DISC1: variants seen among roughly 807,000 people sequenced by gnomAD.
The protein encoded by DISC1 is disrupted in schizophrenia 1 protein.
Under a neutral mutation model 84.5 loss-of-function variants are expected in DISC1, and 57 were observed. That is an observed-to-expected ratio of 0.67 (90% CI 0.55 to 0.84). DISC1 has a LOEUF of 0.84. Among genes scored for constraint, DISC1 ranks in the 40% least tolerant of loss-of-function variants. The pLI, the probability that DISC1 is intolerant of heterozygous loss-of-function variation, is 0.00. For synonymous variants in DISC1, 411 were observed against 415.2 expected (o/e 0.99, Z 0.12); for missense variants, 1,000 against 1,057.8 (o/e 0.95, Z 0.76).
At chr1:231,636,840 G>C (rs1322506925) in intron 1 of DISC1, among the ~76,000 whole-genome samples, 2 of 152,102 alleles carry the variant, frequency 1.3e-5, no homozygotes, top group African/African-American at 4.8e-5. Flanking sequence ...AGAACATGCA[G>C]GTTTGTTACA....
chr1:231,709,437 AC>A (rs1372083368), intron 3 of DISC1, among the ~76,000 whole-genome samples: 1 of 150,942 alleles, frequency 6.6e-6, no homozygotes, highest in Non-Finnish European at 1.5e-5. Flanking sequence ...ATTTCTTGGA[AC>A]CCCTGCAGCT....
In DISC1 at chr1:231,744,684, T is replaced by A. The variant is rs150148991; in HGVS notation, c.1118-5242T>A. On this transcript the variant is annotated intron_variant, in intron 3 of 12. Transcript: ENST00000439617. Reference sequence around the variant, plus strand: ...CAAATAGCAAAAGTTCATTTTTCCATGACCTATTCATCACAGAACAATTAA... The same window carrying A: ...CAAATAGCAAAAGTTCATTTTTCCAAGACCTATTCATCACAGAACAATTAA... Among the ~76,000 whole-genome samples, 189 of 152,304 alleles carry A rather than the reference T, an allele frequency of 1.2e-3. 1 individual carries two copies. Among genetic ancestry groups the A allele is most frequent in the East Asian group, 5.8e-4 (3 of 5,184 alleles).
intron 6 of DISC1, 167 bp downstream of exon 6, chr1:231,771,237 C>T: frequency 1.0e-6 from 1 of 985,082 alleles, no homozygotes; most frequent in Non-Finnish European, 1.2e-6. Context: ...CGGTGTGGGG[C>T]AGTCCTGAAC....
intron 10 of DISC1, among the ~76,000 whole-genome samples, chr1:231,974,365 A>C (rs939540115): frequency 2.0e-5 from 3 of 152,200 alleles, no homozygotes; most frequent in Non-Finnish European, 4.4e-5. Flanking sequence ...ATTATTCCTT[A>C]ATCGGACCAT....
intron 3 of DISC1, among the ~76,000 whole-genome samples, chr1:231,716,202 CCCTG>C (rs1437632738): frequency 1.3e-5 from 2 of 151,946 alleles, no homozygotes; most frequent in Non-Finnish European, 2.9e-5. Flanking sequence ...TGAAAAATCT[CCCTG>C]CCAGCAGTTA....
chr1:232,009,032 G>A lies in DISC1; in HGVS notation c.2290G>A (p.Gly764Arg). 1.2e-6 allele frequency: 2 copies of A among 1,613,860 alleles called. No homozygotes were observed. Among genetic ancestry groups the A allele is most frequent in the Non-Finnish European group, 1.7e-6 (2 of 1,179,832 alleles). Residue 764 changes from glycine to arginine, a missense_variant, in exon 11 of 13, where the codon GGA becomes AGA. By Grantham distance (125) the Gly-to-Arg change is moderately radical (BLOSUM62 -2). This residue lies in a region of DISC1 where 397 missense variants were observed against 377.5 expected (regional missense o/e 1.05). Transcript: ENST00000439617. This position sits in a 1 kb window ranked among gnomAD's most constrained non-coding sequence, Gnocchi z 4.6. The stretch of plus-strand genomic sequence containing the variant: ...CCTCATCCCCTCTCTGCACTGTGCT[G>A]GAGGTGAACAGAAAGAGGTCTGTCC... ...THLIPSLHCA[G>R]GEQKEESYIL...
chr1:231,733,745 TGGTGCC>T (rs1558446775), intron 3 of DISC1, among the ~76,000 whole-genome samples: 3 of 124,786 alleles, frequency 2.4e-5, no homozygotes, highest in South Asian at 2.6e-4. Flanking sequence ...GGAGTGGTGG[TGGTGCC>T]ATGAGTAGTG....
chr1:231,848,717 C>T (rs1284271287), intron 9 of DISC1, among the ~76,000 whole-genome samples: 2 of 152,152 alleles, frequency 1.3e-5, no homozygotes, highest in Non-Finnish European at 1.5e-5. Flanking sequence ...AGTTACTTAA[C>T]CTCAGTGATC....
chr1:231,833,853 C>T (rs771439390), intron 9 of DISC1, among the ~76,000 whole-genome samples: 16 of 152,178 alleles, frequency 1.1e-4, no homozygotes, highest in East Asian at 7.7e-4. Context: ...CTTGAAGGCA[C>T]GGTTAATGAA....
chr1:231,756,941 C>G (rs1002686051), intron 4 of DISC1, among the ~76,000 whole-genome samples: 2 of 152,104 alleles, frequency 1.3e-5, no homozygotes, highest in African/African-American at 4.8e-5. Context: ...TTCAGTGTGC[C>G]AGCTACCCAC....
Position 231,698,460 on chromosome 1 carries a change from G to A in DISC1, c.1048-3495G>A, listed in dbSNP as rs2065985956. 6.6e-6 allele frequency among the ~76,000 whole-genome samples: 1 copy of A among 152,170 alleles called. No homozygotes were observed. Among genetic ancestry groups the A allele is most frequent in the African/African-American group, 2.4e-5 (1 of 41,434 alleles). On this transcript the variant is annotated intron_variant, in intron 2 of 12. Transcript: ENST00000439617. This position sits in a 1 kb window ranked among gnomAD's most constrained non-coding sequence, Gnocchi z 4.9. ...CAAGGTAGGCTCCACCTAAGGCCAT[G>A]GAAACTGGTGAAAAATGAAGGACTC...
chr1:231,884,114 G>A (rs994011294), intron 9 of DISC1, among the ~76,000 whole-genome samples: 2 of 152,046 alleles, frequency 1.3e-5, no homozygotes, highest in African/African-American at 2.4e-5. Context: ...CTCGGGACCC[G>A]GCCACTCAGT....
At chr1:231,655,757 A>G (rs1319987646) in intron 1 of DISC1, among the ~76,000 whole-genome samples, 1 of 151,814 alleles carries the variant, frequency 6.6e-6, no homozygotes, top group African/African-American at 2.4e-5. Context: ...CCATGCCAAC[A>G]TCTCTTGTTT....
intron 12 of DISC1, among the ~76,000 whole-genome samples, chr1:232,033,134 C>CA (rs1670208586): frequency 6.6e-6 from 1 of 152,180 alleles, no homozygotes; most frequent in Non-Finnish European, 1.5e-5. Flanking sequence ...CCTCCTCTAC[C>CA]AAAAACACCA....
intron 9 of DISC1, among the ~76,000 whole-genome samples, chr1:231,915,628 A>G (rs2089566043): frequency 6.6e-6 from 1 of 152,154 alleles, no homozygotes; most frequent in Non-Finnish European, 1.5e-5. Flanking sequence ...AGTACAAAAA[A>G]ATAGCCAGGC....
At chr1:231,868,269 C>T (rs201883946) in intron 9 of DISC1, among the ~76,000 whole-genome samples, 1 of 152,048 alleles carries the variant, frequency 6.6e-6, no homozygotes, top group Non-Finnish European at 1.5e-5. Context: ...CACTCTTAGT[C>T]CGTATTTTCC....
intron 8 of DISC1, among the ~76,000 whole-genome samples, chr1:231,805,937 A>G (rs1258908289): frequency 6.6e-6 from 1 of 152,168 alleles, no homozygotes; most frequent in East Asian, 1.9e-4. Context: ...TTGGAATCTG[A>G]GAAGTGTGTG....
At chr1:231,829,188 C>G (rs1182106242) in intron 9 of DISC1, among the ~76,000 whole-genome samples, 1 of 152,108 alleles carries the variant, frequency 6.6e-6, no homozygotes, top group Non-Finnish European at 1.5e-5. Context: ...TTTATGGCTT[C>G]ATACATACTG....
intron 9 of DISC1, among the ~76,000 whole-genome samples, chr1:231,882,086 T>C (rs1354228091): frequency 6.6e-6 from 1 of 152,180 alleles, no homozygotes; most frequent in African/African-American, 2.4e-5. Flanking sequence ...AGGACTTGGC[T>C]CTTCTTTCAG....
Sources: allele counts gnomAD v4.1 joint callset (sites outside exome capture counted in the v4.1 genomes callset), GRCh38; gene constraint gnomAD v4.1.1; regional missense constraint gnomAD v4.1.1; non-coding constraint Gnocchi (gnomAD v3.1); transcripts MANE v1.5; gene names NCBI Gene and HGNC (gene_info 2026-07-23, HGNC 2026-07-21).